Variants in VAT1L observed in about 807,000 individuals in gnomAD.
VAT1L encodes putative NADPH-dependent quinone oxidoreductase VAT1L.
A neutral mutation model predicts 44.1 loss-of-function variants in VAT1L; 34 were observed. The ratio of observed to expected loss-of-function variants is 0.77; its 90% CI spans 0.59 to 1.03. The LOEUF is 1.03. Ranked by LOEUF, VAT1L falls within the 50% of genes least tolerant of loss-of-function variation. The pLI is 0.00. For missense variants in VAT1L, 615 were observed against 538.8 expected (o/e 1.14, Z -1.40); for synonymous variants, 253 against 202.2 (o/e 1.25, Z -2.13).
At chr16:77,910,693 A>G (rs1448732821) in intron 7 of VAT1L, among the ~76,000 whole-genome samples, 58 of 136,854 alleles carry the variant, frequency 4.2e-4, no homozygotes, top group African/African-American at 1.5e-3. Flanking sequence ...AAAAAAAAAA[A>G]GAAAGAAAAG....
At chr16:77,819,055 G>C (rs115421976) in intron 2 of VAT1L, among the ~76,000 whole-genome samples, 1,662 of 152,100 alleles carry the variant, frequency 0.011, 34 homozygotes, top group African/African-American at 0.037. Flanking sequence ...TGTTTTAAAT[G>C]TGCCTGCCTC....
intron 6 of VAT1L, among the ~76,000 whole-genome samples, chr16:77,880,210 G>T (rs750517895): frequency 2.0e-5 from 3 of 152,094 alleles, no homozygotes; most frequent in Non-Finnish European, 4.4e-5. Context: ...AGGTTGGAGT[G>T]CCGTGGCATG....
Position 77,879,221 on chromosome 16 carries a change from A to G in VAT1L, c.879A>G (p.Lys293=). 1 of 1,614,142 alleles carries G rather than the reference A, an allele frequency of 6.2e-7. No individual in the cohort carries two copies. Among genetic ancestry groups the G allele is most frequent in the Non-Finnish European group, 8.5e-7 (1 of 1,179,968 alleles). The change falls in exon 6 of 9, where the codon AAA becomes AAG. Residue 293 remains lysine (K), a synonymous_variant. Coordinates refer to ENST00000302536, the MANE Select transcript of VAT1L (RefSeq NM_020927.3). The surrounding 1 kb of genome is among the most constrained non-coding windows in gnomAD (Gnocchi z 4.1). ...CCAAGAGCTTCTTCAGCTTTGCAAA[A>G]TCAGTAAGTATCCAGGCACATCTGA... ...GETKSFFSFA[K]SWWQVEKVNP...
intron 3 of VAT1L, among the ~76,000 whole-genome samples, chr16:77,860,542 G>A (rs939085733): frequency 2.0e-5 from 3 of 152,186 alleles, no homozygotes; most frequent in Admixed American, 6.5e-5. Flanking sequence ...GACAGAGGGC[G>A]AAGGGAATAC....
intron 8 of VAT1L, among the ~76,000 whole-genome samples, chr16:77,976,233 T>C (rs2018338565): frequency 6.6e-6 from 1 of 152,208 alleles, no homozygotes; most frequent in Non-Finnish European, 1.5e-5. Flanking sequence ...GAGCCATTCA[T>C]ATAAATGGGA....
intron 3 of VAT1L, among the ~76,000 whole-genome samples, chr16:77,830,450 A>C (rs1359136155): frequency 6.6e-6 from 1 of 152,090 alleles, no homozygotes; most frequent in African/African-American, 2.4e-5. Flanking sequence ...ATCTTGAATT[A>C]TGGCTCCCAT....
At position 77,825,368 on chromosome 16, in the gene VAT1L, C is replaced by T; in HGVS notation, c.486C>T (p.Pro162=). The T allele has an allele frequency of 6.2e-7, 1 of 1,614,110 alleles. No homozygotes were observed. The highest frequency in any genetic ancestry group is 8.5e-7 in the Non-Finnish European group (1 of 1,180,014). The change falls in exon 3 of 9, where the codon CCC becomes CCT. Residue 162 remains proline, a synonymous_variant. Coordinates refer to ENST00000302536, the MANE Select transcript of VAT1L (RefSeq NM_020927.3). ...GCTTCTCCGAGGCTGCTGCATTCCC[C>T]ATGAACTTCGTCACAGCCTATGTGA... The part of the protein sequence containing the change: ...DMSFSEAAAF[P]MNFVTAYVML...
chr16:77,841,397 T>A (rs1325144649), intron 3 of VAT1L, among the ~76,000 whole-genome samples: 1 of 152,220 alleles, frequency 6.6e-6, no homozygotes, highest in East Asian at 1.9e-4. Context: ...ACACATTTTT[T>A]ATGAGCATTG....
intron 4 of VAT1L, among the ~76,000 whole-genome samples, chr16:77,870,237 G>A (rs148200658): frequency 2.0e-5 from 3 of 152,236 alleles, no homozygotes; most frequent in African/African-American, 7.2e-5. Context: ...GAAGCCTATC[G>A]CGTACCAGGC....
chr16:77,969,895 T>G (rs2018260547), intron 7 of VAT1L, among the ~76,000 whole-genome samples: 1 of 151,666 alleles, frequency 6.6e-6, no homozygotes. Context: ...GTCAAGAAAT[T>G]TTAACAATCA....
At chr16:77,885,798 C>T (rs762005086) in intron 7 of VAT1L, among the ~76,000 whole-genome samples, 7 of 152,052 alleles carry the variant, frequency 4.6e-5, no homozygotes, top group Non-Finnish European at 7.4e-5. Context: ...TTTGCCTGAA[C>T]GATTACATTG....
chr16:77,931,407 T>C (rs892259011), intron 7 of VAT1L, among the ~76,000 whole-genome samples: 1 of 152,106 alleles, frequency 6.6e-6, no homozygotes, highest in South Asian at 2.1e-4. Flanking sequence ...TACATAGAAA[T>C]AACTTTTACA....
rs545029345 is a variant in VAT1L at position 77,880,463 on chromosome 16, C to G, written c.882+1239C>G. On this transcript the variant is annotated intron_variant, in intron 6 of 8. Coordinates refer to ENST00000302536, the MANE Select transcript of VAT1L (RefSeq NM_020927.3). The stretch of plus-strand genomic sequence containing the variant: ...GTGTGAGCCATCGTACTCGGCCAAA[C>G]TTAGTTTTTTAAATATCATTTCAAC... 1.8e-4 allele frequency among the ~76,000 whole-genome samples: 27 copies of G among 151,916 alleles called. No homozygotes were observed. In the South Asian group the frequency reaches 5.0e-3, roughly 28 times the overall value.
At chr16:77,849,559 A>G (rs868784330) in intron 3 of VAT1L, among the ~76,000 whole-genome samples, 3 of 152,210 alleles carry the variant, frequency 2.0e-5, no homozygotes, top group African/African-American at 4.8e-5. Context: ...TACACTCGCA[A>G]AGAAAGCCAG....
chr16:77,797,780 T>A (rs1478329678), intron 1 of VAT1L, among the ~76,000 whole-genome samples: 1 of 152,144 alleles, frequency 6.6e-6, no homozygotes, highest in Non-Finnish European at 1.5e-5. Flanking sequence ...CTTTTGGACA[T>A]CTTGGCATTT....
intron 7 of VAT1L, among the ~76,000 whole-genome samples, chr16:77,902,137 G>C (rs1389451098): frequency 6.6e-6 from 1 of 152,138 alleles, no homozygotes; most frequent in South Asian, 2.1e-4. Context: ...AATTCCATTA[G>C]AAAACAAAGC....
chr16:77,822,839 A>G (rs2016474424), intron 2 of VAT1L, among the ~76,000 whole-genome samples: 1 of 152,136 alleles, frequency 6.6e-6, no homozygotes, highest in East Asian at 1.9e-4. Context: ...ACTGGGGCAG[A>G]GCAATTTGAT....
At position 77,876,588 on chromosome 16, in the gene VAT1L, G is replaced by A. The variant is rs985066303; in HGVS notation, c.826+115G>A. On this transcript the variant is annotated intron_variant, in intron 5 of 8. Coordinates refer to ENST00000302536, the MANE Select transcript of VAT1L (RefSeq NM_020927.3). ...TATGTTGGGGTAGTGGGATGGGGGT[G>A]TTTCATTTTTTAATGTTTCCTATAA... The A allele has an allele frequency of 1.3e-5, 11 of 856,334 alleles. No homozygotes were observed. In the East Asian group the frequency reaches 2.5e-4, roughly 19 times the overall value. 53.0% of individuals were successfully genotyped at this position (856,334 alleles called of 1,614,324 possible). A position where few individuals can be genotyped will look rare whatever the true frequency, so the allele number is the denominator to read the frequency against.
intron 7 of VAT1L, among the ~76,000 whole-genome samples, chr16:77,952,357 G>A (rs1198211627): frequency 6.6e-6 from 1 of 152,136 alleles, no homozygotes; most frequent in Non-Finnish European, 1.5e-5. Context: ...AGTGGGAGGT[G>A]TTCGGATCAG....
Sources: gnomAD v4.1 joint callset for allele counts (sites outside exome capture counted in the v4.1 genomes callset) on GRCh38, gnomAD v4.1.1 for gene constraint, Gnocchi (gnomAD v3.1) non-coding constraint, MANE v1.5 for transcripts, NCBI Gene and HGNC (gene_info 2026-07-23, HGNC 2026-07-21) for gene names.